The following SAMMSON variants were observed in gnomAD, a reference collection of about 807,000 sequenced individuals.
SAMMSON encodes long intergenic non-protein coding RNA 1212.
At position 70,260,303 on chromosome 3, in the gene SAMMSON, G is replaced by A. The variant is rs150121448; in HGVS notation, n.674+10633G>A. Among the ~76,000 whole-genome samples the A allele has an allele frequency of 1.5e-3, 231 of 152,064 alleles. 2 individuals are homozygous for A. Among genetic ancestry groups the A allele is most frequent in the South Asian group, 6.4e-3 (31 of 4,808 alleles). Reference sequence around the variant, plus strand: ...CTGTGTGTGTCTGTGTCTTCCCATCGCCACTTCTTATAAGGATGCCAGTCA... The same window carrying A: ...CTGTGTGTGTCTGTGTCTTCCCATCACCACTTCTTATAAGGATGCCAGTCA... On this transcript the variant is annotated intron_variant and non_coding_transcript_variant, in intron 6 of 9. Coordinates refer to ENST00000642114, the Ensembl canonical transcript of SAMMSON.
At chr3:70,040,311 C>T (rs895001512) in intron 3 of SAMMSON, among the ~76,000 whole-genome samples, 1 of 152,112 alleles carries the variant, frequency 6.6e-6, no homozygotes, top group Non-Finnish European at 1.5e-5. Context: ...AGGCTAAATT[C>T]CCACAACAAT....
chr3:70,317,193 AGT>A (rs966949541), intron 7 of SAMMSON, among the ~76,000 whole-genome samples: 1 of 152,012 alleles, frequency 6.6e-6, no homozygotes, highest in Non-Finnish European at 1.5e-5. Context: ...AAGCATTGTA[AGT>A]GTGTGTATAT....
At chr3:70,093,962 T>C (rs2067314238) in intron 4 of SAMMSON, among the ~76,000 whole-genome samples, 1 of 152,128 alleles carries the variant, frequency 6.6e-6, no homozygotes, top group African/African-American at 2.4e-5. Context: ...CTGTAGTAAA[T>C]TTTCAATGTT....
intron 7 of SAMMSON, among the ~76,000 whole-genome samples, chr3:70,346,517 A>G (rs927484864): frequency 2.0e-5 from 3 of 151,848 alleles, no homozygotes; most frequent in Non-Finnish European, 4.4e-5. Context: ...TTTCAGCACA[A>G]CTCCTTTTAA....
rs1024684848 is a variant in SAMMSON, at chr3:70,104,654, T to C, written n.507+33089T>C. ...AGCTTAAAACTATTTTAAAACATCT[T>C]TCAAATGAAAATGCAAAACTGTCAT... On this transcript the variant is annotated intron_variant and non_coding_transcript_variant, in intron 4 of 9. Transcript: ENST00000642114. 6.6e-4 allele frequency among the ~76,000 whole-genome samples: 100 copies of C among 152,130 alleles called. 1 individual carries two copies. The highest frequency in any genetic ancestry group is 1.5e-5 in the Non-Finnish European group (1 of 68,022).
At chr3:70,381,329 C>G (rs918667853) in intron 9 of SAMMSON, among the ~76,000 whole-genome samples, 3 of 152,140 alleles carry the variant, frequency 2.0e-5, no homozygotes, top group African/African-American at 4.8e-5. Context: ...GAATGAGTGA[C>G]AGAAAAATTG....
At chr3:70,307,213 A>ATTG (rs1342084375) in intron 7 of SAMMSON, among the ~76,000 whole-genome samples, 7 of 152,006 alleles carry the variant, frequency 4.6e-5, no homozygotes, top group African/African-American at 1.7e-4. Flanking sequence ...TGGTGTTGTT[A>ATTG]TTGTTGTTGT....
intron 4 of SAMMSON, among the ~76,000 whole-genome samples, chr3:70,103,939 A>G (rs576121056): frequency 2.0e-5 from 3 of 150,070 alleles, no homozygotes; most frequent in African/African-American, 7.3e-5. Context: ...TCCTGAGACT[A>G]TTTGCATGAA....
intron 4 of SAMMSON, among the ~76,000 whole-genome samples, chr3:70,198,601 C>A (rs114524086): frequency 0.018 from 2,746 of 152,190 alleles, 92 homozygotes; most frequent in African/African-American, 0.061. Context: ...TTCTCTCCAT[C>A]CTCTTTCTCT....
At chr3:70,257,398 A>G (rs1701827518) in intron 6 of SAMMSON, among the ~76,000 whole-genome samples, 1 of 152,102 alleles carries the variant, frequency 6.6e-6, no homozygotes, top group South Asian at 2.1e-4. Context: ...TTTGCAGAGA[A>G]CCTGTTCATG....
chr3:70,172,765 G>T (rs1700969480), intron 4 of SAMMSON: 1 of 151,892 alleles, frequency 6.6e-6, no homozygotes, highest in South Asian at 2.1e-4. Flanking sequence ...ACAACCAAAA[G>T]ACAGCTGGGG....
intron 7 of SAMMSON, among the ~76,000 whole-genome samples, chr3:70,293,045 CAAAAAAAAAAA>C (rs55990203): frequency 0.02 from 1,525 of 74,800 alleles, 32 homozygotes; most frequent in African/African-American, 0.058. Context: ...TGGTTTGAAG[CAAAAAAAAAAA>C]AAAAAAAAAA....
At chr3:70,017,276 G>A (rs1437892070) in intron 3 of SAMMSON, among the ~76,000 whole-genome samples, 2 of 152,100 alleles carry the variant, frequency 1.3e-5, no homozygotes, top group African/African-American at 4.8e-5. Flanking sequence ...GCAGTGGTTT[G>A]TAGTTCTCCT....
chr3:70,307,321 C>T (rs7631182), intron 7 of SAMMSON, among the ~76,000 whole-genome samples: 5 of 151,644 alleles, frequency 3.3e-5, no homozygotes, highest in Non-Finnish European at 7.4e-5. Context: ...ATCGTGTGCA[C>T]TTCAAACGCT....
chr3:70,155,845 A>G (rs1213743813), intron 4 of SAMMSON, among the ~76,000 whole-genome samples: 1 of 152,060 alleles, frequency 6.6e-6, no homozygotes, highest in Non-Finnish European at 1.5e-5. Flanking sequence ...TACACAATGG[A>G]ACAAATAATA....
At chr3:70,283,728 C>A (rs1702112047) in intron 6 of SAMMSON, 1 of 148,256 alleles carries the variant, frequency 6.7e-6, no homozygotes, top group Admixed American at 6.7e-5. Context: ...ATCTTGATTT[C>A]ATACAGAGTA....
At chr3:70,166,819 G>A (rs1043935661) in intron 4 of SAMMSON, among the ~76,000 whole-genome samples, 4 of 151,874 alleles carry the variant, frequency 2.6e-5, no homozygotes, top group African/African-American at 9.7e-5. Context: ...TCCATGGTTT[G>A]TACAATAAGT....
intron 3 of SAMMSON, among the ~76,000 whole-genome samples, chr3:70,039,494 G>A (rs1304487174): frequency 6.6e-6 from 1 of 151,832 alleles, no homozygotes; most frequent in East Asian, 1.9e-4. Context: ...TGCACCATGA[G>A]CTCTCCTGGG....
intron 1 of SAMMSON, among the ~76,000 whole-genome samples, chr3:70,006,994 T>C (rs572700070): frequency 3.9e-5 from 6 of 152,244 alleles, no homozygotes; most frequent in African/African-American, 1.4e-4. Context: ...TTTTTATGGC[T>C]GCATAGTATT....
Sources: gnomAD v4.1 joint callset for allele counts (sites outside exome capture counted in the v4.1 genomes callset) on GRCh38, gnomAD v4.1.1 for gene constraint, MANE v1.5 for transcripts, NCBI Gene and HGNC (gene_info 2026-07-23, HGNC 2026-07-21) for gene names.